SCHIP1: variants seen among roughly 807,000 people sequenced by gnomAD.
SCHIP1 encodes the protein schwannomin interacting protein 1, also known as schwannomin-interacting protein 1.
In SCHIP1, 8 loss-of-function variants were observed where a neutral mutation model predicts 29.7. The ratio of observed to expected loss-of-function variants is 0.27; its 90% CI spans 0.16 to 0.49. SCHIP1 has a LOEUF of 0.49. Among genes scored for constraint, SCHIP1 ranks in the 20% least tolerant of loss-of-function variants. The pLI is 0.99. For synonymous variants in SCHIP1, 76 were observed against 94.9 expected, an observed-to-expected ratio of 0.80 and a Z score of 1.16; for missense variants, 193 against 294.6, an observed-to-expected ratio of 0.66 and a Z score of 2.52.
the SCHIP1 span, among the ~76,000 whole-genome samples, chr3:159,532,537 AT>A: frequency 3.0e-4 from 45 of 152,226 alleles, 1 homozygote; most frequent in South Asian, 6.2e-4. Flanking sequence ...TTTATCCTTA[AT>A]TTTTTTTGTT....
At chr3:159,461,789 T>G in the SCHIP1 span, among the ~76,000 whole-genome samples, 1 of 152,172 alleles carries the variant, frequency 6.6e-6, no homozygotes, top group Non-Finnish European at 1.5e-5. Context: ...TTTAAATTTT[T>G]AAAGAATAAG....
chr3:159,733,237 A>G, the SCHIP1 span, among the ~76,000 whole-genome samples: 1 of 152,240 alleles, frequency 6.6e-6, no homozygotes, highest in Admixed American at 6.5e-5. Context: ...TTTTTCCTCC[A>G]TGGTCTGGAG....
At chr3:159,383,378 TG>T in the SCHIP1 span, among the ~76,000 whole-genome samples, 4 of 150,730 alleles carry the variant, frequency 2.7e-5, no homozygotes, top group African/African-American at 9.7e-5. Context: ...CTTTCCCCAT[TG>T]CTTGTTTTTC....
At chr3:159,885,899 G>A (rs1716917901) in intron 2 of SCHIP1, among the ~76,000 whole-genome samples, 1 of 152,214 alleles carries the variant, frequency 6.6e-6, no homozygotes, top group Admixed American at 6.5e-5. Context: ...TGACAGGACT[G>A]TAAACTCAAA....
intron 1 of SCHIP1, among the ~76,000 whole-genome samples, chr3:159,863,645 A>G (rs970815517): frequency 1.3e-5 from 2 of 152,230 alleles, no homozygotes; most frequent in African/African-American, 4.8e-5. Flanking sequence ...AATGTTAGCA[A>G]TCATGTCTCT....
the SCHIP1 span, among the ~76,000 whole-genome samples, chr3:159,426,892 A>C: frequency 2.0e-5 from 3 of 152,216 alleles, no homozygotes; most frequent in Non-Finnish European, 2.9e-5. Context: ...ACGCAAACCA[A>C]TAAATGTAAT....
At chr3:159,519,829 C>T in the SCHIP1 span, among the ~76,000 whole-genome samples, 2 of 149,098 alleles carry the variant, frequency 1.3e-5, no homozygotes, top group East Asian at 3.9e-4. Flanking sequence ...TAAAGACAGA[C>T]AGCAGGCCCT....
At chr3:159,470,991 G>A in the SCHIP1 span, among the ~76,000 whole-genome samples, 1 of 152,018 alleles carries the variant, frequency 6.6e-6, no homozygotes, top group African/African-American at 2.4e-5. Context: ...TGGAGGAGAG[G>A]GGAAAAAATT....
chr3:159,747,528 T>C, the SCHIP1 span, among the ~76,000 whole-genome samples: 1 of 152,304 alleles, frequency 6.6e-6, no homozygotes, highest in Admixed American at 6.5e-5. Context: ...GAGACAAATA[T>C]AGGTAGGGCC....
the SCHIP1 span, among the ~76,000 whole-genome samples, chr3:159,434,667 G>A: frequency 6.6e-6 from 1 of 152,118 alleles, no homozygotes; most frequent in African/African-American, 2.4e-5. Flanking sequence ...CTCTCCAGTA[G>A]ATCTACTTTA....
At chr3:159,641,838 T>C in the SCHIP1 span, among the ~76,000 whole-genome samples, 10 of 152,156 alleles carry the variant, frequency 6.6e-5, no homozygotes, top group Non-Finnish European at 1.5e-4. Context: ...GGACAGTTTA[T>C]TGTAGTACAA....
chr3:159,396,680 T>G, the SCHIP1 span, among the ~76,000 whole-genome samples: 1 of 152,234 alleles, frequency 6.6e-6, no homozygotes, highest in African/African-American at 2.4e-5. Context: ...GAGTTTCTGC[T>G]GAGAGATCCG....
the SCHIP1 span, among the ~76,000 whole-genome samples, chr3:159,713,284 GAAAA>G: frequency 2.8e-5 from 4 of 142,060 alleles, no homozygotes; most frequent in South Asian, 2.3e-4. Flanking sequence ...AAGAAAGAAA[GAAAA>G]AAGAAAAGAA....
At chr3:159,692,979 T>C in the SCHIP1 span, among the ~76,000 whole-genome samples, 1 of 152,232 alleles carries the variant, frequency 6.6e-6, no homozygotes. Flanking sequence ...ATTAATTTAC[T>C]ATGCACTTCT....
chr3:159,480,995 G>C, the SCHIP1 span, among the ~76,000 whole-genome samples: 7 of 152,124 alleles, frequency 4.6e-5, no homozygotes, highest in Non-Finnish European at 8.8e-5. Context: ...GCAGGGGCGG[G>C]GGTCACAAGG....
At chr3:159,794,838 C>G in the SCHIP1 span, among the ~76,000 whole-genome samples, 1 of 151,942 alleles carries the variant, frequency 6.6e-6, no homozygotes, top group Non-Finnish European at 1.5e-5. Flanking sequence ...AAGAAGCTGC[C>G]CAAGGGAGGG....
At chr3:159,276,641 A>C in the SCHIP1 span, among the ~76,000 whole-genome samples, 1 of 152,236 alleles carries the variant, frequency 6.6e-6, no homozygotes, top group Middle Eastern at 3.2e-3. Flanking sequence ...TTTACATTAA[A>C]TATTACTAGA....
the SCHIP1 span, among the ~76,000 whole-genome samples, chr3:159,405,950 C>T: frequency 8.9e-3 from 1,328 of 148,562 alleles, 16 homozygotes; most frequent in African/African-American, 0.032. Context: ...AAGAATAAAA[C>T]GTGCCTAAAA....
chr3:159,798,673 G>A, the SCHIP1 span, among the ~76,000 whole-genome samples: 12 of 152,012 alleles, frequency 7.9e-5, no homozygotes, highest in African/African-American at 2.4e-4. Flanking sequence ...CACGAGAATC[G>A]CTTCAACCCA....
Sources: allele counts gnomAD v4.1 joint callset (sites outside exome capture counted in the v4.1 genomes callset), GRCh38; gene constraint gnomAD v4.1.1; transcripts MANE v1.5; gene names NCBI Gene and HGNC (gene_info 2026-07-23, HGNC 2026-07-21).